AGFG2: variants seen among roughly 807,000 people sequenced by gnomAD.
AGFG2 encodes the protein ArfGAP with FG repeats 2, also known as arf-GAP domain and FG repeat-containing protein 2.
A neutral mutation model predicts 48.0 loss-of-function variants in AGFG2; 31 were observed. The ratio of observed to expected loss-of-function variants is 0.65; its 90% CI spans 0.49 to 0.87. The LOEUF (loss-of-function observed/expected upper bound fraction) is 0.87, where lower values mean the gene tolerates loss of function less well. AGFG2 is among the 40% of genes least tolerant of loss of function. The pLI is 0.00. For synonymous variants in AGFG2, 229 were observed against 260.8 expected, an observed-to-expected ratio of 0.88 and a Z score of 1.18; for missense variants, 599 against 632.6, an observed-to-expected ratio of 0.95 and a Z score of 0.57.
At chr7:100,561,779 G>A (rs1351608676) in intron 6 of AGFG2, among the ~76,000 whole-genome samples, 1 of 152,256 alleles carries the variant, frequency 6.6e-6, no homozygotes, top group Non-Finnish European at 1.5e-5. Context: ...ATGGGGAAGG[G>A]ACAGTGCTGA....
intron 2 of AGFG2, among the ~76,000 whole-genome samples, chr7:100,549,627 G>A (rs937275855): frequency 6.6e-6 from 1 of 152,192 alleles, no homozygotes; most frequent in African/African-American, 2.4e-5. Flanking sequence ...ATCATATCTG[G>A]TTTGTAGGTA....
intron 1 of AGFG2, among the ~76,000 whole-genome samples, chr7:100,543,020 G>C (rs1800450026): frequency 6.6e-6 from 1 of 152,158 alleles, no homozygotes; most frequent in Non-Finnish European, 1.5e-5. Context: ...CTGTGGGTTA[G>C]AGTGATACCA....
rs560267555 is a variant in AGFG2, at chr7:100,555,897, T to C, written c.877+162T>C. On this transcript the variant is annotated intron_variant, in intron 6 of 11. Coordinates refer to ENST00000300176, the MANE Select transcript of AGFG2 (RefSeq NM_006076.5). ...AGGATGAGCGTGTCTGACACATTCT[T>C]GTCAGGGAGAGGGGGCTCTACTGTT... The C allele has an allele frequency of 3.1e-6, 3 of 981,716 alleles. No homozygotes were observed. In the African/African-American group the frequency reaches 4.9e-5, roughly 16 times the overall value. 60.8% of individuals were successfully genotyped at this position (981,716 alleles called of 1,614,324 possible).
At position 100,565,296 on chromosome 7, in the gene AGFG2, C is replaced by T. The variant is rs994125528; in HGVS notation, c.*305C>T. 57 of 459,198 alleles carry T rather than the reference C, an allele frequency of 1.2e-4. No individual in the cohort carries two copies. Among genetic ancestry groups the T allele is most frequent in the Non-Finnish European group, 2.0e-4 (49 of 250,156 alleles). 28.4% of individuals were successfully genotyped at this position (459,198 alleles called of 1,614,324 possible). A position where few individuals can be genotyped will look rare whatever the true frequency, so the allele number is the denominator to read the frequency against. On this transcript the variant is annotated 3_prime_UTR_variant, in exon 12 of 12. Transcript: ENST00000300176. ...ATGATCAGTCCCCTGTGGAACAGCT[C>T]TTCCCTGGGCCTAGCTCGCCAGCGC...
chr7:100,541,818 C>T (rs1406265665), intron 1 of AGFG2, among the ~76,000 whole-genome samples: 3 of 150,696 alleles, frequency 2.0e-5, no homozygotes, highest in South Asian at 4.2e-4. Context: ...AGAGAAAGAG[C>T]TGATTCCTGA....
In AGFG2 at chr7:100,547,847, A is replaced by G. The variant is rs115555982; in HGVS notation, c.222-975A>G. Among the ~76,000 whole-genome samples, 442 of 152,270 alleles carry G rather than the reference A, an allele frequency of 2.9e-3. 5 individuals carry two copies. The highest frequency in any genetic ancestry group is 0.01 in the African/African-American group (421 of 41,538). On this transcript the variant is annotated intron_variant, in intron 1 of 11. Coordinates refer to ENST00000300176, the MANE Select transcript of AGFG2 (RefSeq NM_006076.5). Reference sequence around the variant, plus strand: ...AGAGATACAGAAATAAGAAAATCAAATATTTCTTTTCCTAGAGATGGCTTC... The same window carrying G: ...AGAGATACAGAAATAAGAAAATCAAGTATTTCTTTTCCTAGAGATGGCTTC...
rs764464607 is a variant in AGFG2, at chr7:100,565,043, C to G, written c.*52C>G. On this transcript the variant is annotated 3_prime_UTR_variant, in exon 12 of 12. Transcript: ENST00000300176. ...CTGCCTTCTGGGGCCCCTCTGCTCC[C>G]TAGAGCTCTGGTGACCACTTGCCTG... The G allele has an allele frequency of 3.8e-6, 6 of 1,573,660 alleles. No individual in the cohort carries two copies. The Admixed American group carries it at 1.0e-4, about 26-fold the overall frequency.
At position 100,564,925 on chromosome 7, in the gene AGFG2, T is replaced by C. The variant is rs753909833; in HGVS notation, c.1387-7T>C. 1 of 1,614,046 alleles carries C rather than the reference T, an allele frequency of 6.2e-7. No individual in the cohort carries two copies. On this transcript the variant is annotated splice_region_variant and splice_polypyrimidine_tract_variant and intron_variant, in intron 11 of 11. Coordinates refer to ENST00000300176, the MANE Select transcript of AGFG2 (RefSeq NM_006076.5). ...TAACTGGAAAATGTATTGTTCTTTCTTTCCAGACTGGACCCTCATCAAGCC... is the reference window on the plus strand; with the variant it reads ...TAACTGGAAAATGTATTGTTCTTTCCTTCCAGACTGGACCCTCATCAAGCC...
Position 100,562,929 on chromosome 7 carries a change from C to A in AGFG2, c.1154C>A (p.Pro385His). 6.2e-7 allele frequency: 1 copy of A among 1,614,068 alleles called. No individual in the cohort carries two copies. The highest frequency in any genetic ancestry group is 8.5e-7 in the Non-Finnish European group (1 of 1,179,958). The change falls in exon 9 of 12, where the codon CCC (proline) becomes CAC (histidine). Residue 385 changes from proline (P) to histidine (H), a missense_variant. Physicochemically the swap from Pro to His is moderately conservative, Grantham distance 77. Coordinates refer to ENST00000300176, the MANE Select transcript of AGFG2 (RefSeq NM_006076.5). The surrounding 1 kb of genome is among the most constrained non-coding windows in gnomAD (Gnocchi z 5.4). Reference protein sequence around the residue: ...SPLPSTNPFQPNGLAPGPGFG... With the variant: ...SPLPSTNPFQHNGLAPGPGFG... Reference sequence around the variant, plus strand: ...CTGCCTTCCACCAACCCGTTCCAGCCCAATGGCTTGGCGCCAGGTAAGCCT... The same window carrying A: ...CTGCCTTCCACCAACCCGTTCCAGCACAATGGCTTGGCGCCAGGTAAGCCT...
chr7:100,557,092 G>A (rs984122319), intron 6 of AGFG2, among the ~76,000 whole-genome samples: 7 of 151,952 alleles, frequency 4.6e-5, no homozygotes, highest in Non-Finnish European at 7.4e-5. Flanking sequence ...CAGCTACTCA[G>A]GGGACTGAGG....
chr7:100,551,030 T>TTTTTTATATATATATATA (rs1378400368), intron 3 of AGFG2, among the ~76,000 whole-genome samples: 1 of 56,036 alleles, frequency 1.8e-5, no homozygotes, highest in African/African-American at 9.3e-5. Context: ...CCTGGCTAAT[T>TTTTTTATATATATATATA]TATATATATA....
chr7:100,562,596 T>C lies in AGFG2; in HGVS notation c.1001T>C (p.Leu334Pro), dbSNP rs201869181. Residue 334 changes from leucine (L) to proline (P), a missense_variant and splice_region_variant, in exon 8 of 12, where the codon CTC (leucine) becomes CCC (proline). Physicochemically the swap from Leu to Pro is moderately conservative, Grantham distance 98 (BLOSUM62 -3). Transcript: ENST00000300176. The surrounding 1 kb of genome is among the most constrained non-coding windows in gnomAD (Gnocchi z 5.4). The stretch of plus-strand genomic sequence containing the variant: ...ACTTCTCTCTCCCCGTGTTGTAGCC[T>C]CTTCGGGATGGCTGGCCAGGTCCCC... ...GVPAAGVPSS[L>P]FGMAGQVPPL... 3.7e-6 allele frequency: 6 copies of C among 1,613,278 alleles called. No individual in the cohort carries two copies. The East Asian group carries it at 1.3e-4, about 36-fold the overall frequency.
chr7:100,544,387 C>T (rs1189195372), intron 1 of AGFG2, among the ~76,000 whole-genome samples: 2 of 152,132 alleles, frequency 1.3e-5, no homozygotes, highest in East Asian at 3.8e-4. Context: ...GTGACAAGTT[C>T]CTGCCCTCCT....
At chr7:100,552,625 AAG>A (rs1388600143) in intron 3 of AGFG2, among the ~76,000 whole-genome samples, 4 of 152,190 alleles carry the variant, frequency 2.6e-5, no homozygotes, top group African/African-American at 9.7e-5. Context: ...GCAGAGAACA[AAG>A]AGATTGATGT....
At chr7:100,549,883 G>T (rs73154897) in intron 2 of AGFG2, among the ~76,000 whole-genome samples, 9,738 of 151,974 alleles carry the variant, frequency 0.064, 319 homozygotes, top group Middle Eastern at 0.078. Flanking sequence ...TTAGAGAGTG[G>T]GTTTCGCTGT....
intron 1 of AGFG2, among the ~76,000 whole-genome samples, chr7:100,541,877 G>A (rs1433777596): frequency 6.6e-6 from 1 of 152,072 alleles, no homozygotes. Context: ...ATAAAATTGA[G>A]TAACTGGGAA....
At chr7:100,543,543 C>T (rs962678002) in intron 1 of AGFG2, among the ~76,000 whole-genome samples, 5 of 152,148 alleles carry the variant, frequency 3.3e-5, no homozygotes, top group Non-Finnish European at 7.4e-5. Context: ...CGTCTGGGGG[C>T]AGTGAGCAAA....
intron 1 of AGFG2, among the ~76,000 whole-genome samples, chr7:100,546,175 C>G (rs374054523): frequency 6.7e-6 from 1 of 149,156 alleles, no homozygotes; most frequent in East Asian, 2.0e-4. Context: ...CCCCGCCCGC[C>G]ACCCCCACCA....
intron 4 of AGFG2, 44 bp downstream of exon 4, chr7:100,553,544 A>G: frequency 6.4e-7 from 1 of 1,565,818 alleles, no homozygotes; most frequent in Non-Finnish European, 8.7e-7. Context: ...GAGATTTGGG[A>G]GACAGGAGTG....
Sources: allele counts gnomAD v4.1 joint callset (sites outside exome capture counted in the v4.1 genomes callset), GRCh38; gene constraint gnomAD v4.1.1; non-coding constraint Gnocchi (gnomAD v3.1); transcripts MANE v1.5; gene names NCBI Gene and HGNC (gene_info 2026-07-23, HGNC 2026-07-21).